Variants in MPV17 observed in about 807,000 individuals in gnomAD.
MPV17 encodes mitochondrial inner membrane protein MPV17, also known as MPV17, mitochondrial inner membrane protein.
In MPV17, 31 loss-of-function variants were observed where a neutral mutation model predicts 28.6. The ratio of observed to expected loss-of-function variants is 1.08; its 90% CI spans 0.81 to 1.46. MPV17 has a LOEUF of 1.46. Ranked by LOEUF, MPV17 falls within the 40% of genes most tolerant of loss-of-function variation. MPV17 has a pLI of 0.00. For synonymous variants in MPV17, 87 were observed against 85.3 expected (o/e 1.02, Z -0.11); for missense variants, 198 against 216.2 (o/e 0.92, Z 0.53).
intron 2 of MPV17, chr2:27,316,027 GCTGCTCCC>G: frequency 6.5e-7 from 1 of 1,547,054 alleles, no homozygotes; most frequent in Admixed American, 2.0e-5. Flanking sequence ...GGCCCCTGTG[GCTGCTCCC>G]CTGCTGGGTG....
At chr2:27,316,653 C>T (rs893780165) in intron 2 of MPV17, 3 of 210,188 alleles carry the variant, frequency 1.4e-5, no homozygotes, top group Admixed American at 5.3e-5. Context: ...ACCCAAACCA[C>T]CCCAGCCTCT....
chr2:27,316,533 G>T (rs1273896625), intron 2 of MPV17, among the ~76,000 whole-genome samples: 1 of 152,200 alleles, frequency 6.6e-6, no homozygotes, highest in Non-Finnish European at 1.5e-5. Flanking sequence ...TAAGGCTTTG[G>T]AGCAAGCATA....
rs113055360 is a variant in MPV17, at chr2:27,312,248, T to C, written c.376-2A>G. On this transcript the variant is annotated splice_acceptor_variant, in intron 5 of 7. Coordinates refer to ENST00000380044, the MANE Select transcript of MPV17 (RefSeq NM_002437.5). LOFTEE classifies it high-confidence loss of function. ...GGTGATAAGGGCATCAGGATAATCC[T>C]GGGGAGACAGAGAAGGAACAAATTA... 6.2e-7 allele frequency: 1 copy of C among 1,614,078 alleles called. No individual in the cohort carries two copies. Among genetic ancestry groups the C allele is most frequent in the South Asian group, 1.1e-5 (1 of 91,082 alleles).
intron 6 of MPV17, 100 bp downstream of exon 6, chr2:27,312,114 C>T (rs1322081766): frequency 6.8e-7 from 1 of 1,476,126 alleles, no homozygotes; most frequent in East Asian, 2.3e-5. Flanking sequence ...AAGAGTAATC[C>T]CAACGGAAGG....
At chr2:27,320,287 T>G (rs1015209191) in intron 2 of MPV17, among the ~76,000 whole-genome samples, 1 of 150,902 alleles carries the variant, frequency 6.6e-6, no homozygotes, top group Admixed American at 6.6e-5. Context: ...ACAGTGATAC[T>G]CCTATACTGA....
intron 2 of MPV17, chr2:27,313,387 TAG>T: frequency 6.3e-6 from 4 of 638,206 alleles, no homozygotes; most frequent in Non-Finnish European, 8.1e-6. Flanking sequence ...TCAGAAAGTA[TAG>T]AGAGAGGAAG....
At chr2:27,315,858 A>G in intron 2 of MPV17, 1 of 1,336,940 alleles carries the variant, frequency 7.5e-7, no homozygotes, top group Non-Finnish European at 9.6e-7. Context: ...CACGGCACCC[A>G]GCCTACACCC....
intron 2 of MPV17, among the ~76,000 whole-genome samples, chr2:27,313,572 T>C (rs1008555632): frequency 6.6e-6 from 1 of 152,216 alleles, no homozygotes; most frequent in Non-Finnish European, 1.5e-5. Context: ...TCCTAGACAC[T>C]GTTCTTTCCA....
chr2:27,322,213 G>A (rs1246199715), intron 2 of MPV17: 2 of 588,810 alleles, frequency 3.4e-6, no homozygotes, highest in Non-Finnish European at 6.1e-6. Context: ...TCAGCTTTTT[G>A]AGGACTTTGA....
intron 7 of MPV17, among the ~76,000 whole-genome samples, chr2:27,310,357 A>G (rs1046818418): frequency 6.6e-6 from 1 of 152,126 alleles, no homozygotes; most frequent in Non-Finnish European, 1.5e-5. Context: ...CGGCCTCCCA[A>G]AGTGCTGGGA....
rs1679704066 is a variant in MPV17, at chr2:27,317,619, T to C, written c.71-4510A>G. Reference sequence around the variant, plus strand: ...GTCTCCTGGGCTGGACAGGATTGTATGTAAGGCCTATTGAGCTCTCATACC... The same window carrying C: ...GTCTCCTGGGCTGGACAGGATTGTACGTAAGGCCTATTGAGCTCTCATACC... On this transcript the variant is annotated intron_variant, in intron 2 of 7. Transcript: ENST00000380044. This position sits in a 1 kb window ranked among gnomAD's most constrained non-coding sequence, Gnocchi z 4.0. Among the ~76,000 whole-genome samples, 1 of 148,946 alleles carries C rather than the reference T, an allele frequency of 6.7e-6. No individual in the cohort carries two copies. Among genetic ancestry groups the C allele is most frequent in the African/African-American group, 2.4e-5 (1 of 41,150 alleles).
intron 2 of MPV17, among the ~76,000 whole-genome samples, chr2:27,321,211 G>A (rs1679847454): frequency 6.6e-6 from 1 of 152,232 alleles, no homozygotes; most frequent in South Asian, 2.1e-4. Flanking sequence ...ATCTGAGCCT[G>A]GGCAAAGGGC....
At chr2:27,310,705 A>T (rs1679399751) in intron 7 of MPV17, among the ~76,000 whole-genome samples, 1 of 152,128 alleles carries the variant, frequency 6.6e-6, no homozygotes, top group Non-Finnish European at 1.5e-5. Flanking sequence ...AAGGACCCTA[A>T]TGTTTAGGAT....
At chr2:27,321,318 G>C (rs1159685813) in intron 2 of MPV17, among the ~76,000 whole-genome samples, 2 of 152,228 alleles carry the variant, frequency 1.3e-5, no homozygotes, top group Non-Finnish European at 2.9e-5. Context: ...CTGAGGACAG[G>C]ACAAGAGGTG....
At chr2:27,320,294 C>T (rs1286816637) in intron 2 of MPV17, among the ~76,000 whole-genome samples, 1 of 151,184 alleles carries the variant, frequency 6.6e-6, no homozygotes, top group Non-Finnish European at 1.5e-5. Context: ...TACTCCTATA[C>T]TGACCCTGTG....
At chr2:27,316,632 A>G (rs1442213319) in intron 2 of MPV17, among the ~76,000 whole-genome samples, 1 of 152,218 alleles carries the variant, frequency 6.6e-6, no homozygotes, top group Non-Finnish European at 1.5e-5. Context: ...CCCAACCCAG[A>G]GCCCAAATAG....
chr2:27,320,975 C>T (rs761187804), intron 2 of MPV17, among the ~76,000 whole-genome samples: 68 of 152,162 alleles, frequency 4.5e-4, no homozygotes, highest in Non-Finnish European at 3.7e-4. Flanking sequence ...TGAGCTGGGA[C>T]GTCAGCATAG....
At position 27,309,639 on chromosome 2, in the gene MPV17, G is replaced by T. The variant is rs1679350571; in HGVS notation, c.*273C>A. On this transcript the variant is annotated 3_prime_UTR_variant, in exon 8 of 8. Transcript: ENST00000380044. ...GAGTGGGGATGAGTGGCATTTGCTG[G>T]GATATGGGTGTAAAGTTGATAAGGT... is the stretch of plus-strand genomic sequence containing the variant. The T allele has an allele frequency of 1.7e-6, 1 of 598,524 alleles. No individual in the cohort carries two copies. The highest frequency in any genetic ancestry group is 1.9e-5 in the African/African-American group (1 of 53,874). 37.1% of individuals were successfully genotyped at this position (598,524 alleles called of 1,614,324 possible).
chr2:27,318,233 T>TG (rs1410810116), intron 2 of MPV17, among the ~76,000 whole-genome samples: 1 of 354 alleles, frequency 2.8e-3, no homozygotes, highest in Admixed American at 0.042. Context: ...CACACCCAGC[T>TG]AATTTTGTAT....
Sources: gnomAD v4.1 joint callset for allele counts (sites outside exome capture counted in the v4.1 genomes callset) on GRCh38, gnomAD v4.1.1 for gene constraint, Gnocchi (gnomAD v3.1) non-coding constraint, MANE v1.5 for transcripts, NCBI Gene and HGNC (gene_info 2026-07-23, HGNC 2026-07-21) for gene names.